The following GRK5 variants were observed in gnomAD, a reference collection of about 807,000 sequenced individuals.
GRK5 encodes g protein-coupled receptor kinase GRK5.
Under a neutral mutation model 78.4 loss-of-function variants are expected in GRK5, and 40 were observed. That is an observed-to-expected ratio of 0.51 (90% CI 0.40 to 0.66). The LOEUF is 0.66. Among genes scored for constraint, GRK5 ranks in the 30% least tolerant of loss-of-function variants. The probability of loss-of-function intolerance (pLI) is 0.00; values close to 1 mark genes in which losing one functional copy is unlikely to be tolerated. For missense variants in GRK5, 598 were observed against 759.9 expected (o/e 0.79, Z 2.50); for synonymous variants, 289 against 296.8 (o/e 0.97, Z 0.27).
At chr10:119,377,014 AGTGTGTGTGTGCCT>A (rs924515479) in intron 2 of GRK5, among the ~76,000 whole-genome samples, 1 of 152,098 alleles carries the variant, frequency 6.6e-6, no homozygotes, top group Non-Finnish European at 1.5e-5. Context: ...GTGTGTGGAC[AGTGTGTGTGTGCCT>A]GTGTGTACAG....
intron 3 of GRK5, among the ~76,000 whole-genome samples, chr10:119,388,384 T>C (rs945445319): frequency 3.9e-5 from 6 of 152,254 alleles, no homozygotes; most frequent in Non-Finnish European, 8.8e-5. Context: ...TTGCCCAGGC[T>C]GCAGTACAGT....
chr10:119,337,286 C>T (rs921745993), intron 2 of GRK5, among the ~76,000 whole-genome samples: 1 of 152,180 alleles, frequency 6.6e-6, no homozygotes, highest in African/African-American at 2.4e-5. Flanking sequence ...AGGGTCTTCC[C>T]ATGATTTGAC....
chr10:119,283,715 C>T (rs1368728572), intron 1 of GRK5, among the ~76,000 whole-genome samples: 1 of 152,180 alleles, frequency 6.6e-6, no homozygotes, highest in African/African-American at 2.4e-5. Flanking sequence ...CATCAAGGGT[C>T]ACCCTGCAGA....
intron 6 of GRK5, among the ~76,000 whole-genome samples, chr10:119,428,797 G>A (rs1186130519): frequency 3.3e-5 from 5 of 152,228 alleles, no homozygotes; most frequent in Non-Finnish European, 7.3e-5. Context: ...CTACATATCA[G>A]ATAGCACCCT....
intron 3 of GRK5, among the ~76,000 whole-genome samples, chr10:119,395,184 A>G (rs571030240): frequency 6.6e-6 from 1 of 152,304 alleles, no homozygotes; most frequent in African/African-American, 2.4e-5. Flanking sequence ...TTACAGAACC[A>G]CTGCCCTATC....
chr10:119,287,614 G>A (rs1564877587), intron 1 of GRK5, among the ~76,000 whole-genome samples: 1 of 151,876 alleles, frequency 6.6e-6, no homozygotes, highest in Admixed American at 6.6e-5. Context: ...TTTTCTTGTA[G>A]AAATTATATT....
At chr10:119,242,758 C>T (rs938220386) in intron 1 of GRK5, among the ~76,000 whole-genome samples, 5 of 151,882 alleles carry the variant, frequency 3.3e-5, no homozygotes, top group African/African-American at 1.2e-4. Context: ...GGGGCTCTTT[C>T]CCCTTGGCTT....
intron 1 of GRK5, among the ~76,000 whole-genome samples, chr10:119,272,406 G>A (rs1325114726): frequency 1.3e-5 from 2 of 152,016 alleles, no homozygotes; most frequent in Admixed American, 6.6e-5. Context: ...GTGAAACCCT[G>A]TCTCTACAAA....
chr10:119,238,955 G>T lies in GRK5; in HGVS notation c.52+30986G>T, dbSNP rs1467230429. Among the ~76,000 whole-genome samples the T allele has an allele frequency of 1.3e-5, 2 of 152,088 alleles. No homozygotes were observed. The highest frequency in any genetic ancestry group is 4.8e-5 in the African/African-American group (2 of 41,410). On this transcript the variant is annotated intron_variant, in intron 1 of 15. Transcript: ENST00000392870. This position sits in a 1 kb window ranked among gnomAD's most constrained non-coding sequence, Gnocchi z 4.7. ...TGGAAAAGGGGGTGTTGAAGCCAAG[G>T]CATTAGAGAAACGTGATTTTTCATT...
At chr10:119,407,182 G>A (rs867928319) in intron 4 of GRK5, among the ~76,000 whole-genome samples, 1 of 152,170 alleles carries the variant, frequency 6.6e-6, no homozygotes, top group Non-Finnish European at 1.5e-5. Flanking sequence ...TGACTTTGAG[G>A]AGAACATTTA....
chr10:119,372,423 G>A (rs1851560566), intron 2 of GRK5, among the ~76,000 whole-genome samples: 1 of 152,192 alleles, frequency 6.6e-6, no homozygotes, highest in Non-Finnish European at 1.5e-5. Flanking sequence ...TGACAGTGTA[G>A]CACTTTACTG....
chr10:119,439,590 C>T, intron 9 of GRK5, 141 bp from the exon 10 acceptor site: 1 of 689,326 alleles, frequency 1.5e-6, no homozygotes, highest in African/African-American at 1.8e-5. Context: ...TGACTCAAAC[C>T]AGACAGCCTG....
intron 6 of GRK5, among the ~76,000 whole-genome samples, chr10:119,427,172 T>G (rs999466745): frequency 6.8e-6 from 1 of 146,658 alleles, no homozygotes; most frequent in African/African-American, 2.5e-5. Flanking sequence ...ACCGCCATCA[T>G]CAGCATCACC....
intron 4 of GRK5, among the ~76,000 whole-genome samples, chr10:119,422,934 G>T (rs1362003429): frequency 6.6e-6 from 1 of 152,194 alleles, no homozygotes; most frequent in Non-Finnish European, 1.5e-5. Context: ...CTGAACCTAG[G>T]CTCATTCACC....
chr10:119,262,660 A>G (rs1410852369), intron 1 of GRK5, among the ~76,000 whole-genome samples: 2 of 151,752 alleles, frequency 1.3e-5, no homozygotes, highest in Non-Finnish European at 2.9e-5. Flanking sequence ...TTTTAATATT[A>G]TTTTGCCTTG....
intron 2 of GRK5, among the ~76,000 whole-genome samples, chr10:119,350,164 G>A (rs563053915): frequency 2.0e-5 from 3 of 152,374 alleles, no homozygotes; most frequent in Admixed American, 6.5e-5. Flanking sequence ...CCTGTTGCCA[G>A]TGCCGGCTGC....
rs988331680 is a variant in GRK5 at position 119,455,737 on chromosome 10, G to A, written c.*670G>A. 3.6e-5 allele frequency: 7 copies of A among 196,870 alleles called. No individual in the cohort carries two copies. The highest frequency in any genetic ancestry group is 7.1e-5 in the Non-Finnish European group (7 of 98,444). 12.2% of individuals were successfully genotyped at this position (196,870 alleles called of 1,614,324 possible). A position where few individuals can be genotyped will look rare whatever the true frequency, so the allele number is the denominator to read the frequency against. ...TCTGAATTAAATGTTCCAGACACAC[G>A]TGGGACTTCCCCCTCCCAGCCAGAA... On this transcript the variant is annotated 3_prime_UTR_variant, in exon 16 of 16. Coordinates refer to ENST00000392870, the MANE Select transcript of GRK5 (RefSeq NM_005308.3).
chr10:119,339,412 C>A (rs934391192), intron 2 of GRK5, among the ~76,000 whole-genome samples: 3 of 152,208 alleles, frequency 2.0e-5, no homozygotes, highest in Admixed American at 6.5e-5. Flanking sequence ...GGCCATTCAG[C>A]AGTACCTTGG....
Position 119,436,768 on chromosome 10 carries a change from G to T in GRK5, c.856G>T (p.Glu286Ter), listed in dbSNP as rs759135424. Residue 286 changes from glutamate to a stop codon, truncating the protein, a stop_gained, in exon 9 of 16, where the codon GAG becomes TAG. Transcript: ENST00000392870. LOFTEE classifies it high-confidence loss of function. The part of the protein sequence containing the change: ...YNMGNPGFEE[E>*]RALFYAAEIL... The stretch of plus-strand genomic sequence containing the variant: ...CATGGGCAACCCTGGCTTCGAGGAG[G>T]AGCGGGCCTTGTTTTATGCGGCAGA... 6.2e-7 allele frequency: 1 copy of T among 1,614,176 alleles called. No individual in the cohort carries two copies. The highest frequency in any genetic ancestry group is 8.5e-7 in the Non-Finnish European group (1 of 1,179,998).
Sources: gnomAD v4.1 joint callset for allele counts (sites outside exome capture counted in the v4.1 genomes callset) on GRCh38, gnomAD v4.1.1 for gene constraint, Gnocchi (gnomAD v3.1) non-coding constraint, MANE v1.5 for transcripts, NCBI Gene and HGNC (gene_info 2026-07-23, HGNC 2026-07-21) for gene names.